Variants in NBEA observed in about 807,000 individuals in gnomAD.
The protein encoded by NBEA is neurobeachin, also known as lysosomal-trafficking regulator 2.
A neutral mutation model predicts 343.4 loss-of-function variants in NBEA; 44 were observed. The ratio of observed to expected loss-of-function variants is 0.13; its 90% CI spans 0.10 to 0.16. The LOEUF (loss-of-function observed/expected upper bound fraction) is 0.16, where lower values mean the gene tolerates loss of function less well. Ranked by LOEUF, NBEA falls within the 10% of genes least tolerant of loss-of-function variation. The probability of loss-of-function intolerance (pLI) is 1.00; values close to 1 mark genes in which losing one functional copy is unlikely to be tolerated. For missense variants in NBEA, 2,555 were observed against 3,631.3 expected (o/e 0.70, Z 7.62); for synonymous variants, 1,175 against 1,238.7 (o/e 0.95, Z 1.08).
rs1331038084 is a variant in NBEA, at chr13:35,110,801, C to T, written c.1834-9C>T. The stretch of plus-strand genomic sequence containing the variant: ...TTCATTTTAATGATCTGTTAATATT[C>T]TGTATTAGGTTCAGCTTTCCCTATA... On this transcript the variant is annotated splice_polypyrimidine_tract_variant and intron_variant, in intron 12 of 58. Coordinates refer to ENST00000379939, the MANE Select transcript of NBEA (RefSeq NM_001385012.1). 3 of 1,600,122 alleles carry T rather than the reference C, an allele frequency of 1.9e-6. No individual in the cohort carries two copies. Among genetic ancestry groups the T allele is most frequent in the Non-Finnish European group, 2.6e-6 (3 of 1,169,264 alleles).
rs9544565 is a variant in NBEA at position 35,532,776 on chromosome 13, G to T, written c.6586-17701G>T. Among the ~76,000 whole-genome samples, 1,007 of 152,188 alleles carry T rather than the reference G, an allele frequency of 6.6e-3. 5 individuals carry two copies. The highest frequency in any genetic ancestry group is 0.02 in the Middle Eastern group (6 of 294). On this transcript the variant is annotated intron_variant, in intron 41 of 58. Transcript: ENST00000379939. ...TCAGCCAGGGCCCCTTACTCTTCAG[G>T]CCTTGGGGATGATGGGAGTTGCTGA...
intron 41 of NBEA, among the ~76,000 whole-genome samples, chr13:35,547,702 A>T (rs1234597116): frequency 6.6e-6 from 1 of 152,096 alleles, no homozygotes; most frequent in Non-Finnish European, 1.5e-5. Context: ...AGCCTGGCCA[A>T]CATGGTGAAA....
intron 2 of NBEA, 92 bp from the exon 3 acceptor site, chr13:35,044,851 GATAA>G: frequency 1.5e-6 from 1 of 668,422 alleles, no homozygotes. Flanking sequence ...GAGAGAGAGA[GATAA>G]CAATGATAAC....
intron 38 of NBEA, among the ~76,000 whole-genome samples, chr13:35,370,575 A>G (rs920763466): frequency 2.0e-5 from 3 of 152,022 alleles, no homozygotes; most frequent in Non-Finnish European, 4.4e-5. Context: ...CTGTCATTAT[A>G]TTAATGTACT....
chr13:35,155,936 C>T lies in NBEA; in HGVS notation c.2527+81C>T, dbSNP rs1225363794. 16 of 1,503,448 alleles carry T rather than the reference C, an allele frequency of 1.1e-5. No individual in the cohort carries two copies. In the East Asian group the frequency reaches 2.7e-4, roughly 26 times the overall value. 93.1% of individuals were successfully genotyped at this position (1,503,448 alleles called of 1,614,324 possible). A position where few individuals can be genotyped will look rare whatever the true frequency, so the allele number is the denominator to read the frequency against. On this transcript the variant is annotated intron_variant, in intron 19 of 58. Transcript: ENST00000379939. ...ACTAAATCAAAACTTTTCCTAACCC[C>T]TTAAATCATTATGGTGTTTACCTAG... is the stretch of plus-strand genomic sequence containing the variant.
At chr13:34,996,231 A>G (rs925100805) in intron 1 of NBEA, among the ~76,000 whole-genome samples, 2 of 152,206 alleles carry the variant, frequency 1.3e-5, no homozygotes, top group African/African-American at 2.4e-5. Context: ...TGGAAAAGCA[A>G]TCCTGAATAA....
At chr13:35,129,088 A>T (rs961496320) in intron 17 of NBEA, among the ~76,000 whole-genome samples, 1 of 151,472 alleles carries the variant, frequency 6.6e-6, no homozygotes, top group Non-Finnish European at 1.5e-5. Flanking sequence ...GAGGGATAGC[A>T]TTAGGAGATA....
At chr13:35,142,177 C>A in intron 17 of NBEA, 92 bp from the exon 18 acceptor site, 2 of 671,968 alleles carry the variant, frequency 3.0e-6, no homozygotes, top group Non-Finnish European at 5.1e-6. Context: ...TATTCTGTAT[C>A]TGCTTATAAA....
intron 8 of NBEA, among the ~76,000 whole-genome samples, chr13:35,062,921 G>A (rs1314619512): frequency 6.6e-6 from 1 of 151,886 alleles, no homozygotes; most frequent in African/African-American, 2.4e-5. Context: ...TTGAAAAGTT[G>A]CTGTATTTTA....
At chr13:35,020,543 G>A (rs755958103) in intron 1 of NBEA, among the ~76,000 whole-genome samples, 3 of 152,112 alleles carry the variant, frequency 2.0e-5, no homozygotes, top group Admixed American at 6.6e-5. Flanking sequence ...TTGTAAGACA[G>A]AGTCTCACTC....
chr13:35,621,160 T>G (rs960102673), intron 48 of NBEA, among the ~76,000 whole-genome samples: 1 of 152,156 alleles, frequency 6.6e-6, no homozygotes, highest in South Asian at 2.1e-4. Context: ...GTCAGTAATC[T>G]GGGGCAGGAG....
chr13:35,470,184 G>A (rs2075580246), intron 40 of NBEA, among the ~76,000 whole-genome samples: 1 of 152,176 alleles, frequency 6.6e-6, no homozygotes, highest in Non-Finnish European at 1.5e-5. Flanking sequence ...CCAGTTCGAA[G>A]CCCTTTTATA....
chr13:35,209,265 T>C (rs1593756548), intron 32 of NBEA, among the ~76,000 whole-genome samples: 2 of 152,312 alleles, frequency 1.3e-5, no homozygotes, highest in South Asian at 2.1e-4. Flanking sequence ...TGAGTTCTAA[T>C]ATATATTCTT....
rs896622536 is a variant in NBEA, at chr13:35,410,197, C to A, written c.6180-22072C>A. ...TATTTACAATTCTGATTATAAAATC[C>A]TATCTTTCCTTCCATGTTTAGCAAT... On this transcript the variant is annotated intron_variant, in intron 38 of 58. Coordinates refer to ENST00000379939, the MANE Select transcript of NBEA (RefSeq NM_001385012.1). Among the ~76,000 whole-genome samples the A allele has an allele frequency of 6.0e-4, 91 of 152,196 alleles. 1 individual carries two copies. Among genetic ancestry groups the A allele is most frequent in the African/African-American group, 2.2e-3 (90 of 41,550 alleles).
At chr13:35,541,111 C>T (rs916054879) in intron 41 of NBEA, among the ~76,000 whole-genome samples, 13 of 152,122 alleles carry the variant, frequency 8.5e-5, no homozygotes, top group African/African-American at 2.9e-4. Context: ...CCCACTCACC[C>T]TTTGTTGTTC....
At chr13:35,350,525 C>T (rs1254928088) in intron 37 of NBEA, among the ~76,000 whole-genome samples, 2 of 152,006 alleles carry the variant, frequency 1.3e-5, no homozygotes, top group African/African-American at 4.8e-5. Flanking sequence ...AATGAGATTA[C>T]TCTCGTTGTG....
At chr13:35,492,630 A>G (rs1028803565) in intron 41 of NBEA, among the ~76,000 whole-genome samples, 3 of 151,908 alleles carry the variant, frequency 2.0e-5, no homozygotes, top group African/African-American at 7.2e-5. Context: ...TTTATTCCAT[A>G]TGTATTTGTA....
intron 24 of NBEA, among the ~76,000 whole-genome samples, chr13:35,164,900 A>G (rs2069869760): frequency 6.6e-6 from 1 of 152,194 alleles, no homozygotes; most frequent in Admixed American, 6.5e-5. Context: ...TAAAACATTG[A>G]AATGTGTTAA....
intron 1 of NBEA, among the ~76,000 whole-genome samples, chr13:34,978,839 C>A (rs1223779565): frequency 1.3e-5 from 2 of 152,064 alleles, no homozygotes; most frequent in Non-Finnish European, 2.9e-5. Flanking sequence ...TATAAATATA[C>A]CAGAGTAAGC....
Sources: gnomAD v4.1 joint callset for allele counts (sites outside exome capture counted in the v4.1 genomes callset) on GRCh38, gnomAD v4.1.1 for gene constraint, MANE v1.5 for transcripts, NCBI Gene and HGNC (gene_info 2026-07-23, HGNC 2026-07-21) for gene names.